The following PGCKA1 variants were observed in gnomAD, a reference collection of about 807,000 sequenced individuals.
The protein encoded by PGCKA1 is PDCD10 and GCKIII kinases-associated protein 1.
the PGCKA1 span, among the ~76,000 whole-genome samples, chr4:37,567,524 T>C: frequency 1.3e-5 from 2 of 152,164 alleles, no homozygotes; most frequent in African/African-American, 4.8e-5. Context: ...TAGTAAGCAG[T>C]GGAGGTGGAA....
chr4:37,470,056 T>C, the PGCKA1 span, among the ~76,000 whole-genome samples: 5 of 152,228 alleles, frequency 3.3e-5, no homozygotes, highest in Admixed American at 6.5e-5. Context: ...ACTCAACAAA[T>C]ATGTATTGAA....
At chr4:37,510,683 C>T in the PGCKA1 span, among the ~76,000 whole-genome samples, 1 of 152,128 alleles carries the variant, frequency 6.6e-6, no homozygotes, top group Non-Finnish European at 1.5e-5. Flanking sequence ...CCCTGGTTCT[C>T]ACCCAAGGCC....
At chr4:37,458,969 A>G in the PGCKA1 span, among the ~76,000 whole-genome samples, 52,383 of 152,012 alleles carry the variant, frequency 0.34, 9,284 homozygotes, top group African/African-American at 0.42. Flanking sequence ...AGAACCAGAC[A>G]TGTTAGTCTG....
the PGCKA1 span, among the ~76,000 whole-genome samples, chr4:37,487,293 C>T: frequency 6.6e-6 from 1 of 152,172 alleles, no homozygotes; most frequent in Non-Finnish European, 1.5e-5. Flanking sequence ...ACTACACTCA[C>T]CACCTGAAAT....
chr4:37,535,223 G>A, the PGCKA1 span, among the ~76,000 whole-genome samples: 14,708 of 152,156 alleles, frequency 0.097, 862 homozygotes, highest in East Asian at 0.2. Context: ...AGCGTGACGT[G>A]TTTTTGAAAG....
chr4:37,515,644 T>C, the PGCKA1 span, among the ~76,000 whole-genome samples: 3 of 152,230 alleles, frequency 2.0e-5, no homozygotes, highest in South Asian at 4.1e-4. Flanking sequence ...ACCACTGAAC[T>C]GTGTTAACAA....
At chr4:37,522,484 T>G in the PGCKA1 span, among the ~76,000 whole-genome samples, 2 of 152,148 alleles carry the variant, frequency 1.3e-5, no homozygotes, top group Non-Finnish European at 2.9e-5. Flanking sequence ...AAGTGGACTC[T>G]GGTATGGCCC....
At chr4:37,549,834 C>T in the PGCKA1 span, among the ~76,000 whole-genome samples, 1 of 152,056 alleles carries the variant, frequency 6.6e-6, no homozygotes, top group African/African-American at 2.4e-5. Flanking sequence ...CAAAGTGACT[C>T]TGAAGAAGAC....
chr4:37,495,047 AC>A, the PGCKA1 span, among the ~76,000 whole-genome samples: 113 of 152,072 alleles, frequency 7.4e-4, 1 homozygote, highest in South Asian at 8.7e-3. Context: ...GAAAAAAAAA[AC>A]CCCATCAAAA....
the PGCKA1 span, among the ~76,000 whole-genome samples, chr4:37,510,943 C>T: frequency 6.6e-6 from 1 of 151,750 alleles, no homozygotes; most frequent in Non-Finnish European, 1.5e-5. Context: ...CCCTTCTTCC[C>T]TCCCCTTTCA....
At chr4:37,511,147 G>A in the PGCKA1 span, among the ~76,000 whole-genome samples, 2 of 152,050 alleles carry the variant, frequency 1.3e-5, no homozygotes, top group Admixed American at 1.3e-4. Context: ...TGCCATTCAA[G>A]AGCCAAGGCC....
chr4:37,571,059 A>G, the PGCKA1 span, among the ~76,000 whole-genome samples: 8 of 152,134 alleles, frequency 5.3e-5, no homozygotes, highest in African/African-American at 1.9e-4. Context: ...TCCTTCATTT[A>G]AATAGTAAGA....
the PGCKA1 span, among the ~76,000 whole-genome samples, chr4:37,563,464 G>C: frequency 8.6e-5 from 13 of 151,442 alleles, no homozygotes; most frequent in East Asian, 1.8e-3. Context: ...AGGAGGGAGT[G>C]CTCTCTCTCC....
chr4:37,539,171 A>G, the PGCKA1 span, among the ~76,000 whole-genome samples: 1 of 152,216 alleles, frequency 6.6e-6, no homozygotes, highest in East Asian at 1.9e-4. Flanking sequence ...ACATGGGATT[A>G]AGGCCCTTGG....
At chr4:37,514,093 GCTAAGTAGAACAGGCT>G in the PGCKA1 span, among the ~76,000 whole-genome samples, 1 of 152,322 alleles carries the variant, frequency 6.6e-6, no homozygotes, top group East Asian at 1.9e-4. Flanking sequence ...CCTGGGAGCA[GCTAAGTAGAACAGGCT>G]TTAGAATTAG....
the PGCKA1 span, among the ~76,000 whole-genome samples, chr4:37,582,258 G>A: frequency 6.6e-6 from 1 of 152,128 alleles, no homozygotes; most frequent in Non-Finnish European, 1.5e-5. Flanking sequence ...TTATAAAGGT[G>A]CTTGTTGGTG....
the PGCKA1 span, chr4:37,590,032 G>A: frequency 1.6e-6 from 2 of 1,280,472 alleles, no homozygotes; most frequent in Non-Finnish European, 2.2e-6. Context: ...AGGGCCTGTG[G>A]TAAAAAGCAT....
At chr4:37,564,348 A>G in the PGCKA1 span, among the ~76,000 whole-genome samples, 2 of 151,954 alleles carry the variant, frequency 1.3e-5, no homozygotes, top group African/African-American at 2.4e-5. Context: ...CAAACGGCCA[A>G]CATTTCCTAA....
At chr4:37,503,716 C>A in the PGCKA1 span, among the ~76,000 whole-genome samples, 1 of 152,116 alleles carries the variant, frequency 6.6e-6, no homozygotes. Context: ...TGTTGAGCAC[C>A]TTTTCATGTA....
Sources: gnomAD v4.1 joint callset for allele counts (sites outside exome capture counted in the v4.1 genomes callset) on GRCh38, gnomAD v4.1.1 for gene constraint, MANE v1.5 for transcripts, NCBI Gene and HGNC (gene_info 2026-07-23, HGNC 2026-07-21) for gene names.